IL1RAPL2: variants seen among roughly 807,000 people sequenced by gnomAD.
The protein encoded by IL1RAPL2 is X-linked interleukin-1 receptor accessory protein-like 2.
A neutral mutation model predicts 44.1 loss-of-function variants in IL1RAPL2; 3 were observed. The ratio of observed to expected loss-of-function variants is 0.07; its 90% CI spans 0.03 to 0.18. The LOEUF (loss-of-function observed/expected upper bound fraction) is 0.18, where lower values mean the gene tolerates loss of function less well. Ranked by LOEUF, IL1RAPL2 falls within the 10% of genes least tolerant of loss-of-function variation. The pLI is 1.00. For synonymous variants in IL1RAPL2, 181 were observed against 178.8 expected (o/e 1.01, Z -0.10); for missense variants, 391 against 496.4 (o/e 0.79, Z 2.02).
At chrX:105,517,396 C>A (rs1300379564) in intron 6 of IL1RAPL2, among the ~76,000 whole-genome samples, 2 of 111,533 alleles carry the variant, frequency 1.8e-5, no homozygotes, top group Non-Finnish European at 3.8e-5. Flanking sequence ...AGTCAAAATT[C>A]TCATGGCTAG....
At chrX:105,540,351 C>G (rs1256641999) in intron 6 of IL1RAPL2, among the ~76,000 whole-genome samples, 1 of 111,406 alleles carries the variant, frequency 9.0e-6, no homozygotes, top group Non-Finnish European at 1.9e-5. Context: ...GAATAGTATG[C>G]AGCCATAAAG....
intron 2 of IL1RAPL2, among the ~76,000 whole-genome samples, chrX:105,110,586 G>A (rs1268267554): frequency 6.3e-5 from 7 of 111,806 alleles, no homozygotes; most frequent in African/African-American, 1.6e-4. Flanking sequence ...TCACTATCCT[G>A]GAATAAAGAA....
At chrX:105,406,980 C>T (rs1358347164) in intron 5 of IL1RAPL2, 1 of 1,097,333 alleles carries the variant, frequency 9.1e-7, no homozygotes, top group African/African-American at 1.8e-5. Flanking sequence ...TGAGAGGGTC[C>T]AACGTGAAGG....
intron 4 of IL1RAPL2, among the ~76,000 whole-genome samples, chrX:105,243,605 A>T (rs7877494): frequency 0.17 from 16,548 of 97,258 alleles, 2,680 homozygotes; most frequent in African/African-American, 0.52. Context: ...ATATATATAT[A>T]TTTTTTTTTT....
intron 2 of IL1RAPL2, among the ~76,000 whole-genome samples, chrX:104,742,640 A>G (rs188668492): frequency 9.0e-6 from 1 of 111,680 alleles, no homozygotes; most frequent in Admixed American, 9.5e-5. Context: ...GAAGTCATTC[A>G]GTTCTTGGAT....
intron 6 of IL1RAPL2, among the ~76,000 whole-genome samples, chrX:105,559,540 G>A (rs1189148554): frequency 9.0e-6 from 1 of 111,185 alleles, no homozygotes; most frequent in Non-Finnish European, 1.9e-5. Context: ...TTCCCCCAAA[G>A]TGTCACCCAG....
intron 2 of IL1RAPL2, among the ~76,000 whole-genome samples, chrX:104,748,860 T>A (rs1215984084): frequency 9.0e-6 from 1 of 111,146 alleles, no homozygotes; most frequent in Non-Finnish European, 1.9e-5. Context: ...AGTTGTGGAG[T>A]GGCTTATTCA....
intron 6 of IL1RAPL2, among the ~76,000 whole-genome samples, chrX:105,592,740 A>C (rs2037181650): frequency 9.0e-6 from 1 of 111,720 alleles, no homozygotes; most frequent in Admixed American, 9.5e-5. Flanking sequence ...TTTCTTTAAG[A>C]ATGTTGAATA....
chrX:105,032,797 CG>C (rs1490631511), intron 2 of IL1RAPL2, among the ~76,000 whole-genome samples: 1 of 111,008 alleles, frequency 9.0e-6, no homozygotes, highest in Non-Finnish European at 1.9e-5. Flanking sequence ...CTTTCTGTCT[CG>C]TTGATCTGTC....
chrX:105,608,942 C>T (rs1051073652), intron 6 of IL1RAPL2, among the ~76,000 whole-genome samples: 17 of 111,040 alleles, frequency 1.5e-4, no homozygotes, highest in African/African-American at 5.2e-4. Flanking sequence ...TGGCAACTTC[C>T]GGAAATAAAG....
At chrX:105,261,929 C>T (rs964025952) in intron 4 of IL1RAPL2, among the ~76,000 whole-genome samples, 38 of 111,733 alleles carry the variant, frequency 3.4e-4, no homozygotes, top group African/African-American at 1.2e-3. Context: ...CAGCTTCTCT[C>T]CCACCCACTA....
At chrX:104,907,658 G>C (rs1300918214) in intron 2 of IL1RAPL2, among the ~76,000 whole-genome samples, 1 of 111,365 alleles carries the variant, frequency 9.0e-6, no homozygotes, top group Non-Finnish European at 1.9e-5. Flanking sequence ...TTGCACTGTG[G>C]TCTGAGAGAT....
intron 6 of IL1RAPL2, among the ~76,000 whole-genome samples, chrX:105,661,124 G>T (rs752749275): frequency 1.3e-4 from 15 of 111,686 alleles, no homozygotes; most frequent in Non-Finnish European, 2.4e-4. Flanking sequence ...ACAAAAAAGA[G>T]CAGGAGTAGC....
Position 105,454,527 on chromosome X carries a change from G to T in IL1RAPL2, c.698-29786G>T, listed in dbSNP as rs1377674709. On this transcript the variant is annotated intron_variant, in intron 5 of 10. Coordinates refer to ENST00000372582, the MANE Select transcript of IL1RAPL2 (RefSeq NM_017416.2). The stretch of plus-strand genomic sequence containing the variant: ...CAGTACCCTACACCTCAAAAAACAG[G>T]CAGTCCAGCACAGAGTATAGGCTTC... 2.7e-5 allele frequency among the ~76,000 whole-genome samples: 3 copies of T among 110,726 alleles called. No homozygotes were observed. In the East Asian group the frequency reaches 8.6e-4, roughly 32 times the overall value.
chrX:104,734,667 G>A (rs1028239263), intron 2 of IL1RAPL2, among the ~76,000 whole-genome samples: 1 of 111,630 alleles, frequency 9.0e-6, no homozygotes, highest in Non-Finnish European at 1.9e-5. Flanking sequence ...GATGGCATGA[G>A]GTAGTGTTTT....
At chrX:105,672,611 G>A (rs2037834036) in intron 6 of IL1RAPL2, among the ~76,000 whole-genome samples, 1 of 112,317 alleles carries the variant, frequency 8.9e-6, no homozygotes, top group South Asian at 3.7e-4. Context: ...GGGGCAAGAG[G>A]AGTGTGATTC....
At chrX:105,592,068 T>C (rs989898301) in intron 6 of IL1RAPL2, among the ~76,000 whole-genome samples, 1 of 112,035 alleles carries the variant, frequency 8.9e-6, no homozygotes, top group Non-Finnish European at 1.9e-5. Context: ...AATTGGTCTC[T>C]AAGAACTTCT....
In IL1RAPL2 at chrX:105,704,995, A is replaced by C. The variant is rs112448847; in HGVS notation, c.773-12372A>C. 9.9e-3 allele frequency among the ~76,000 whole-genome samples: 1,101 copies of C among 111,388 alleles called. 17 individuals carry two copies. The highest frequency in any genetic ancestry group is 0.034 in the African/African-American group (1,036 of 30,648). ...TTTCTATGGTGTTCCTTCTTGCTGT[A>C]TCTTCAGGTGATTAGCAGAGCCAAA... On this transcript the variant is annotated intron_variant, in intron 6 of 10. Coordinates refer to ENST00000372582, the MANE Select transcript of IL1RAPL2 (RefSeq NM_017416.2).
intron 2 of IL1RAPL2, among the ~76,000 whole-genome samples, chrX:105,009,713 A>G (rs7885173): frequency 0.018 from 2,015 of 109,609 alleles, 49 homozygotes; most frequent in African/African-American, 0.063. Flanking sequence ...ACTAACCTGC[A>G]CATTGTGCAC....
Sources: gnomAD v4.1 joint callset for allele counts (sites outside exome capture counted in the v4.1 genomes callset) on GRCh38, gnomAD v4.1.1 for gene constraint, MANE v1.5 for transcripts, NCBI Gene and HGNC (gene_info 2026-07-23, HGNC 2026-07-21) for gene names.